Variants in ADARB2 observed in about 807,000 individuals in gnomAD.
ADARB2 encodes the protein adenosine deaminase RNA specific B2 (inactive), also known as inactive double-stranded RNA-specific editase B2.
In ADARB2, 25 loss-of-function variants were observed where a neutral mutation model predicts 62.2. The ratio of observed to expected loss-of-function variants is 0.40; its 90% confidence interval spans 0.29 to 0.56. The LOEUF is 0.56. ADARB2 is among the 20% of genes least tolerant of loss of function. The pLI is 0.43. For synonymous variants in ADARB2, 572 were observed against 500.8 expected, an observed-to-expected ratio of 1.14 and a Z score of -1.90; for missense variants, 1,071 against 1,077.4, an observed-to-expected ratio of 0.99 and a Z score of 0.08.
At chr10:1,214,905 G>A (rs1296050116) in intron 7 of ADARB2, among the ~76,000 whole-genome samples, 2 of 152,230 alleles carry the variant, frequency 1.3e-5, no homozygotes, top group Non-Finnish European at 2.9e-5. Context: ...AGCCAGGAGT[G>A]CCCAGAGCCA....
At chr10:1,193,228 G>A (rs796730025) in intron 8 of ADARB2, among the ~76,000 whole-genome samples, 51 of 152,304 alleles carry the variant, frequency 3.3e-4, no homozygotes, top group African/African-American at 1.1e-3. Flanking sequence ...TGATCTCCAG[G>A]AACTTTATTC....
chr10:1,399,355 G>T (rs1338830065), intron 1 of ADARB2, among the ~76,000 whole-genome samples: 1 of 152,174 alleles, frequency 6.6e-6, no homozygotes, highest in African/African-American at 2.4e-5. Context: ...CGCCACCCCA[G>T]ATTTGCAGAT....
At chr10:1,215,063 G>C (rs1837214843) in intron 7 of ADARB2, among the ~76,000 whole-genome samples, 1 of 151,988 alleles carries the variant, frequency 6.6e-6, no homozygotes, top group Non-Finnish European at 1.5e-5. Flanking sequence ...GGGCCTGCAG[G>C]GGCGGGGGCA....
chr10:1,556,261 C>CTTTT (rs5782583), intron 1 of ADARB2, among the ~76,000 whole-genome samples: 4 of 147,392 alleles, frequency 2.7e-5, no homozygotes, highest in Non-Finnish European at 6.0e-5. Context: ...AACAAAAAGT[C>CTTTT]TTTTTTTTTT....
At chr10:1,646,422 G>A (rs1834043052) in intron 1 of ADARB2, among the ~76,000 whole-genome samples, 1 of 152,188 alleles carries the variant, frequency 6.6e-6, no homozygotes, top group Non-Finnish European at 1.5e-5. Context: ...AATGAACAGT[G>A]GTCTCATTGA....
In ADARB2 at chr10:1,363,442, G is replaced by A; in HGVS notation, c.663C>T (p.Asp221=). 1 of 1,415,746 alleles carries A rather than the reference G, an allele frequency of 7.1e-7. No homozygotes were observed. Among genetic ancestry groups the A allele is most frequent in the Non-Finnish European group, 9.2e-7 (1 of 1,086,354 alleles). 87.7% of individuals were successfully genotyped at this position (1,415,746 alleles called of 1,614,324 possible). A position where few individuals can be genotyped will look rare whatever the true frequency, so the allele number is the denominator to read the frequency against. ...DFTSDQADFP[D]TLFQEFEPPA... ...GGGGCTCGAACTCCTGGAAGAGCGT[G>A]TCGGGGAAATCGGCCTGGTCGGAGG... The change falls in exon 3 of 10, where the codon GAC becomes GAT. Residue 221 remains aspartate (D), a synonymous_variant. Coordinates refer to ENST00000381312, the MANE Select transcript of ADARB2 (RefSeq NM_018702.4).
Position 1,668,688 on chromosome 10 carries a change from G to A in ADARB2, c.100+68363C>T, listed in dbSNP as rs144323339. ...AGAGGCCCCGTGTGCACTGTTCTGC[G>A]GCACTTTATGAGAACCAATTTTCAT... On this transcript the variant is annotated intron_variant, in intron 1 of 9. Coordinates refer to ENST00000381312, the MANE Select transcript of ADARB2 (RefSeq NM_018702.4). 1.0e-3 allele frequency among the ~76,000 whole-genome samples: 158 copies of A among 152,252 alleles called. 1 individual carries two copies. The highest frequency in any genetic ancestry group is 8.3e-3 in the Admixed American group (127 of 15,302).
At position 1,728,739 on chromosome 10, in the gene ADARB2, G is replaced by A. The variant is rs575318154; in HGVS notation, c.100+8312C>T. ...CTAAATGGCTAATAAATATTTCCCT[G>A]CAGGTCAGTCAGTGCTGAATATATA... On this transcript the variant is annotated intron_variant, in intron 1 of 9. Transcript: ENST00000381312. Among the ~76,000 whole-genome samples the A allele has an allele frequency of 7.9e-5, 12 of 152,332 alleles. No homozygotes were observed. In the South Asian group the frequency reaches 2.3e-3, roughly 29 times the overall value.
chr10:1,619,912 C>A (rs1005473858), intron 1 of ADARB2, among the ~76,000 whole-genome samples: 1 of 151,846 alleles, frequency 6.6e-6, no homozygotes, highest in African/African-American at 2.4e-5. Flanking sequence ...GGAAAATCTG[C>A]AAATATTTAG....
chr10:1,480,519 A>T (rs1463435643), intron 1 of ADARB2, among the ~76,000 whole-genome samples: 2 of 152,188 alleles, frequency 1.3e-5, no homozygotes, highest in African/African-American at 4.8e-5. Context: ...TAACATGGTG[A>T]AACCCCATCT....
At chr10:1,551,250 C>T (rs564565875) in intron 1 of ADARB2, among the ~76,000 whole-genome samples, 1 of 152,254 alleles carries the variant, frequency 6.6e-6, no homozygotes, top group South Asian at 2.1e-4. Context: ...ACCTTGATCT[C>T]GGGTTTCCAG....
rs184844210 is a variant in ADARB2 at position 1,471,317 on chromosome 10, G to A, written c.101-92157C>T. Among the ~76,000 whole-genome samples the A allele has an allele frequency of 9.2e-5, 14 of 152,264 alleles. No individual in the cohort carries two copies. In the East Asian group the frequency reaches 2.7e-3, roughly 29 times the overall value. ...ACTCTGTCTCCGTGTGTCCACTATG[G>A]GACGGCAGCTAATTGCCCTTCTTCA... is the stretch of plus-strand genomic sequence containing the variant. On this transcript the variant is annotated intron_variant, in intron 1 of 9. Coordinates refer to ENST00000381312, the MANE Select transcript of ADARB2 (RefSeq NM_018702.4).
chr10:1,702,697 C>T (rs1168712587), intron 1 of ADARB2, among the ~76,000 whole-genome samples: 3 of 152,200 alleles, frequency 2.0e-5, no homozygotes, highest in East Asian at 1.9e-4. Context: ...ATGCTCCTGC[C>T]GGCCTCTCTG....
At chr10:1,323,002 A>T (rs1831808663) in intron 3 of ADARB2, among the ~76,000 whole-genome samples, 1 of 152,210 alleles carries the variant, frequency 6.6e-6, no homozygotes, top group African/African-American at 2.4e-5. Context: ...CAATGGTGTT[A>T]TTAGAATCAG....
intron 1 of ADARB2, among the ~76,000 whole-genome samples, chr10:1,628,743 T>C (rs192501902): frequency 6.6e-6 from 1 of 152,352 alleles, no homozygotes; most frequent in Admixed American, 6.5e-5. Flanking sequence ...CTGGGAGAAA[T>C]ACAAAGACTT....
At chr10:1,473,541 C>T (rs1310857981) in intron 1 of ADARB2, among the ~76,000 whole-genome samples, 1 of 152,084 alleles carries the variant, frequency 6.6e-6, no homozygotes, top group Non-Finnish European at 1.5e-5. Context: ...CCACCCTTGG[C>T]TAATTGTTTT....
At chr10:1,208,361 G>C (rs1252845827) in intron 7 of ADARB2, among the ~76,000 whole-genome samples, 1 of 152,180 alleles carries the variant, frequency 6.6e-6, no homozygotes, top group Admixed American at 6.5e-5. Flanking sequence ...CCCTGGGTGC[G>C]TGTGGCTGGT....
In ADARB2 at chr10:1,600,884, A is replaced by G. The variant is rs532664485; in HGVS notation, c.100+136167T>C. ...TCCCTCCTCCCAGGTGCATGTGAAAATGGCATTCTATGGTGGAGAGGAAGC... is the reference window on the plus strand; with the variant it reads ...TCCCTCCTCCCAGGTGCATGTGAAAGTGGCATTCTATGGTGGAGAGGAAGC... On this transcript the variant is annotated intron_variant, in intron 1 of 9. Coordinates refer to ENST00000381312, the MANE Select transcript of ADARB2 (RefSeq NM_018702.4). 2.6e-5 allele frequency among the ~76,000 whole-genome samples: 4 copies of G among 152,124 alleles called. No homozygotes were observed. In the South Asian group the frequency reaches 8.3e-4, roughly 32 times the overall value.
intron 3 of ADARB2, among the ~76,000 whole-genome samples, chr10:1,300,862 AAG>A (rs1831566576): frequency 6.6e-6 from 1 of 152,170 alleles, no homozygotes; most frequent in Admixed American, 6.5e-5. Context: ...ACTATGCCAA[AAG>A]AGAGGACATG....
Sources: allele counts gnomAD v4.1 joint callset (sites outside exome capture counted in the v4.1 genomes callset), GRCh38; gene constraint gnomAD v4.1.1; transcripts MANE v1.5; gene names NCBI Gene and HGNC (gene_info 2026-07-23, HGNC 2026-07-21).